The following ZNF521 variants were observed in gnomAD, a reference collection of about 807,000 sequenced individuals.
ZNF521 encodes the protein zinc finger protein 521, also known as LYST-interacting protein 3.
In ZNF521, 14 loss-of-function variants were observed where a neutral mutation model predicts 105.5. The observed-to-expected ratio is 0.13, with a 90% confidence interval of 0.09 to 0.21. The LOEUF is 0.21. ZNF521 is among the 10% of genes least tolerant of loss of function. The probability of loss-of-function intolerance (pLI) is 1.00; values close to 1 mark genes in which losing one functional copy is unlikely to be tolerated. For synonymous variants in ZNF521, 635 were observed against 606.0 expected (o/e 1.05, Z -0.70); for missense variants, 1,233 against 1,629.7 (o/e 0.76, Z 4.19).
At chr18:25,090,786 T>C (rs1345533321) in intron 6 of ZNF521, among the ~76,000 whole-genome samples, 3 of 152,230 alleles carry the variant, frequency 2.0e-5, no homozygotes, top group Non-Finnish European at 4.4e-5. Context: ...CCAGTCCTCC[T>C]TTATGAAGAC....
intron 3 of ZNF521, among the ~76,000 whole-genome samples, chr18:25,289,459 GCT>G (rs35768429): frequency 0.019 from 2,877 of 152,252 alleles, 107 homozygotes; most frequent in African/African-American, 0.066. Flanking sequence ...CACGAAGTCG[GCT>G]CTGTTTTTAT....
In ZNF521 at chr18:25,085,777, A is replaced by G. The variant is rs1421534977; in HGVS notation, c.3906+3688T>C. ...ATATATATAAATTCTATACCTAACA[A>G]AGCACTTCTATCCACAAAAAAATGC... is the stretch of plus-strand genomic sequence containing the variant. On this transcript the variant is annotated intron_variant, in intron 7 of 7. Transcript: ENST00000361524. Among the ~76,000 whole-genome samples, 5 of 151,992 alleles carry G rather than the reference A, an allele frequency of 3.3e-5. No homozygotes were observed. In the East Asian group the frequency reaches 9.7e-4, roughly 29 times the overall value.
intron 5 of ZNF521, among the ~76,000 whole-genome samples, chr18:25,101,086 A>G (rs1311108826): frequency 6.6e-6 from 1 of 152,220 alleles, no homozygotes; most frequent in Non-Finnish European, 1.5e-5. Context: ...GTGTGTAAAT[A>G]AACGCCCCCA....
At position 25,224,855 on chromosome 18, in the gene ZNF521, G is replaced by A. The variant is rs376953985; in HGVS notation, c.3063C>T (p.Arg1021=). 3.5e-5 allele frequency: 56 copies of A among 1,613,926 alleles called. No homozygotes were observed. Among genetic ancestry groups the A allele is most frequent in the Non-Finnish European group, 4.7e-5 (55 of 1,180,018 alleles). ...TCACTGTCTGCATGCACACCACGCA[G>A]CGAAAGCCTGTCAGGGAATTCCTCA... ...PDLRNSLTGF[R]CVVCMQTVTS... Residue 1021 remains arginine, a synonymous_variant, in exon 4 of 8, where the codon CGC becomes CGT. Coordinates refer to ENST00000361524, the MANE Select transcript of ZNF521 (RefSeq NM_015461.3).
chr18:25,297,857 C>T (rs140221042), intron 3 of ZNF521, among the ~76,000 whole-genome samples: 27 of 152,254 alleles, frequency 1.8e-4, no homozygotes, highest in African/African-American at 6.3e-4. Context: ...TTATAACAAT[C>T]TTCATAAATC....
chr18:25,231,296 A>C (rs1041874124), intron 3 of ZNF521, among the ~76,000 whole-genome samples: 9 of 152,182 alleles, frequency 5.9e-5, no homozygotes, highest in Admixed American at 4.6e-4. Context: ...GCCTAAAAGG[A>C]CGAAACAACA....
intron 7 of ZNF521, among the ~76,000 whole-genome samples, chr18:25,069,021 A>G (rs552230412): frequency 1.3e-5 from 2 of 152,346 alleles, no homozygotes; most frequent in Non-Finnish European, 2.9e-5. Context: ...GGCATTCTCA[A>G]GGACAGCATT....
At chr18:25,332,504 T>C (rs1004344889) in intron 2 of ZNF521, among the ~76,000 whole-genome samples, 8 of 152,140 alleles carry the variant, frequency 5.3e-5, no homozygotes, top group African/African-American at 1.9e-4. Context: ...CGAAGGTTCC[T>C]TCATCCTGAT....
intron 3 of ZNF521, among the ~76,000 whole-genome samples, chr18:25,300,616 G>A (rs900084504): frequency 9.2e-5 from 14 of 152,126 alleles, no homozygotes; most frequent in African/African-American, 1.7e-4. Flanking sequence ...AACTTTGCAC[G>A]TTATAATATT....
At chr18:25,076,015 C>A (rs2033352520) in intron 7 of ZNF521, among the ~76,000 whole-genome samples, 1 of 152,074 alleles carries the variant, frequency 6.6e-6, no homozygotes, top group African/African-American at 2.4e-5. Flanking sequence ...CTGTATAAAA[C>A]CTCCAAGCCT....
chr18:25,189,056 A>C (rs2035774924), intron 5 of ZNF521, among the ~76,000 whole-genome samples: 1 of 152,238 alleles, frequency 6.6e-6, no homozygotes, highest in Non-Finnish European at 1.5e-5. Context: ...TAATAGCTTA[A>C]CCCTGAAATT....
intron 3 of ZNF521, among the ~76,000 whole-genome samples, chr18:25,246,660 T>A (rs963685809): frequency 6.6e-6 from 1 of 152,234 alleles, no homozygotes; most frequent in African/African-American, 2.4e-5. Flanking sequence ...TTCTGGTGAA[T>A]TTTCCAGTCT....
chr18:25,285,968 T>C (rs550596703), intron 3 of ZNF521, among the ~76,000 whole-genome samples: 63 of 152,320 alleles, frequency 4.1e-4, no homozygotes, highest in Non-Finnish European at 7.9e-4. Flanking sequence ...CGATATTAAA[T>C]CCAACTTCTG....
At chr18:25,328,402 AACACACACACACACACACACACACACAC>A (rs57967888) in intron 2 of ZNF521, among the ~76,000 whole-genome samples, 2 of 141,684 alleles carry the variant, frequency 1.4e-5, no homozygotes, top group Admixed American at 7.0e-5. Flanking sequence ...GGGGAGGTTA[AACACACACACACACACACACACACACAC>A]ACACACACAC....
At chr18:25,350,800 C>T (rs1914714489) in intron 2 of ZNF521, 107 bp downstream of exon 2, 1 of 1,312,604 alleles carries the variant, frequency 7.6e-7, no homozygotes, top group East Asian at 3.0e-5. Context: ...CGCACTCACA[C>T]TCACACTCAC....
At chr18:25,317,703 C>T (rs1052644534) in intron 3 of ZNF521, among the ~76,000 whole-genome samples, 1 of 152,042 alleles carries the variant, frequency 6.6e-6, no homozygotes, top group African/African-American at 2.4e-5. Flanking sequence ...ATGGGATTTT[C>T]CCAAAATGAT....
intron 2 of ZNF521, among the ~76,000 whole-genome samples, chr18:25,346,890 G>A (rs1210370930): frequency 2.0e-5 from 3 of 152,006 alleles, no homozygotes; most frequent in African/African-American, 4.8e-5. Context: ...AAATGACTAA[G>A]TGCTCCCCTC....
At chr18:25,075,368 T>C (rs534405329) in intron 7 of ZNF521, among the ~76,000 whole-genome samples, 3 of 152,340 alleles carry the variant, frequency 2.0e-5, no homozygotes, top group Non-Finnish European at 2.9e-5. Context: ...TTAGCTCAGA[T>C]ATTAAAATAG....
chr18:25,196,839 A>C (rs1187984295), intron 4 of ZNF521, among the ~76,000 whole-genome samples: 2 of 151,804 alleles, frequency 1.3e-5, no homozygotes, highest in Non-Finnish European at 3.0e-5. Context: ...CCTACATTAT[A>C]TATTGTTTAT....
Sources: gnomAD v4.1 joint callset for allele counts (sites outside exome capture counted in the v4.1 genomes callset) on GRCh38, gnomAD v4.1.1 for gene constraint, MANE v1.5 for transcripts, NCBI Gene and HGNC (gene_info 2026-07-23, HGNC 2026-07-21) for gene names.